Variants in NEXMIF observed in about 807,000 individuals in gnomAD.
The protein encoded by NEXMIF is neurite extension and migration factor.
Under a neutral mutation model 62.1 loss-of-function variants are expected in NEXMIF, and 8 were observed. The ratio of observed to expected loss-of-function variants is 0.13; its 90% CI spans 0.08 to 0.23. NEXMIF has a LOEUF of 0.23. Ranked by LOEUF, NEXMIF falls within the 10% of genes least tolerant of loss-of-function variation. NEXMIF has a pLI of 1.00. For missense variants in NEXMIF, 976 were observed against 1,113.3 expected (o/e 0.88, Z 1.75); for synonymous variants, 404 against 416.6 (o/e 0.97, Z 0.37).
intron 1 of NEXMIF, among the ~76,000 whole-genome samples, chrX:74,789,749 G>GT (rs1280141942): frequency 2.7e-5 from 3 of 109,438 alleles, no homozygotes; most frequent in Non-Finnish European, 3.8e-5. Flanking sequence ...TTTTTCATGT[G>GT]TTTTTTGGCT....
At chrX:74,879,405 T>G (rs368190330) in intron 1 of NEXMIF, among the ~76,000 whole-genome samples, 1 of 112,442 alleles carries the variant, frequency 8.9e-6, no homozygotes, top group Non-Finnish European at 1.9e-5. Flanking sequence ...TCATCTATGA[T>G]GAATTCATCT....
chrX:74,853,977 T>C (rs2080524980), intron 1 of NEXMIF, among the ~76,000 whole-genome samples: 2 of 111,959 alleles, frequency 1.8e-5, no homozygotes, highest in South Asian at 7.4e-4. Flanking sequence ...ACCAGATGGC[T>C]TCACTGTTGA....
chrX:74,758,781 A>G (rs1452459762), intron 1 of NEXMIF, among the ~76,000 whole-genome samples: 1 of 111,741 alleles, frequency 8.9e-6, no homozygotes, highest in Admixed American at 9.5e-5. Flanking sequence ...TATGTACCAC[A>G]TTTTCTTTAT....
At chrX:74,795,255 C>T (rs2080302684) in intron 1 of NEXMIF, among the ~76,000 whole-genome samples, 1 of 112,137 alleles carries the variant, frequency 8.9e-6, no homozygotes, top group South Asian at 3.7e-4. Flanking sequence ...AACTTTATTC[C>T]TAATTTCTCA....
chrX:74,918,920 G>A (rs775948131), intron 1 of NEXMIF, among the ~76,000 whole-genome samples: 23 of 112,396 alleles, frequency 2.0e-4, no homozygotes, highest in Non-Finnish European at 3.0e-4. Context: ...AAAGATCATC[G>A]TGTCCATTAT....
chrX:74,790,650 A>G (rs371196392), intron 1 of NEXMIF, among the ~76,000 whole-genome samples: 14,072 of 92,715 alleles, frequency 0.15, no homozygotes, highest in East Asian at 0.44. Flanking sequence ...CTTTTATTTC[A>G]TTGAGCAGTA....
intron 1 of NEXMIF, among the ~76,000 whole-genome samples, chrX:74,751,579 C>G (rs2080142746): frequency 9.3e-6 from 1 of 107,561 alleles, no homozygotes; most frequent in African/African-American, 3.4e-5. Flanking sequence ...CCTCCGCCTG[C>G]CACTCAGCCT....
intron 1 of NEXMIF, among the ~76,000 whole-genome samples, chrX:74,889,021 T>C (rs2080707978): frequency 8.9e-6 from 1 of 111,861 alleles, no homozygotes; most frequent in African/African-American, 3.2e-5. Flanking sequence ...ATGCCCTGCT[T>C]ATATAGTGAG....
intron 1 of NEXMIF, among the ~76,000 whole-genome samples, chrX:74,766,744 T>G (rs760570600): frequency 8.9e-6 from 1 of 112,638 alleles, no homozygotes. Context: ...CAATTCAGTC[T>G]GGTTAAGAAC....
chrX:74,820,316 C>T (rs1273817048), intron 1 of NEXMIF, among the ~76,000 whole-genome samples: 1 of 109,045 alleles, frequency 9.2e-6, no homozygotes, highest in Non-Finnish European at 1.9e-5. Context: ...GCACATGTAC[C>T]CTAGAACTTA....
rs909459037 is a variant in NEXMIF at position 74,739,286 on chromosome X, C to G, written c.*119G>C. 3 of 463,977 alleles carry G rather than the reference C, an allele frequency of 6.5e-6. No homozygotes were observed. Among genetic ancestry groups the G allele is most frequent in the Non-Finnish European group, 1.1e-5 (3 of 277,450 alleles). The allele number at this position is 463,977 out of a possible 1,213,427, so 38.2% of individuals were successfully genotyped here. On this transcript the variant is annotated 3_prime_UTR_variant, in exon 4 of 4. Coordinates refer to ENST00000055682, the MANE Select transcript of NEXMIF (RefSeq NM_001008537.3). ...GACTTTTTAAGTCTTTTACATAGAA[C>G]ATGAGATTAAAGTTTGCTCCAAAGA... is the stretch of plus-strand genomic sequence containing the variant.
At position 74,776,056 on chromosome X, in the gene NEXMIF, G is replaced by T. The variant is rs192489002; in HGVS notation, c.-47-30359C>A. Among the ~76,000 whole-genome samples, 123 of 111,519 alleles carry T rather than the reference G, an allele frequency of 1.1e-3. 1 individual carries two copies. The highest frequency in any genetic ancestry group is 0.011 in the Admixed American group (111 of 10,423). On this transcript the variant is annotated intron_variant, in intron 1 of 3. Transcript: ENST00000055682. ...ATATATAGAATTTTACCTGGAAAAG[G>T]CATCATGGCCTTTGTACTCCCTTTA...
At chrX:74,766,008 T>C (rs1189442431) in intron 1 of NEXMIF, among the ~76,000 whole-genome samples, 1 of 99,637 alleles carries the variant, frequency 1.0e-5, no homozygotes, top group African/African-American at 3.7e-5. Context: ...ACTACTGCAC[T>C]CCAGCCTGGG....
intron 1 of NEXMIF, among the ~76,000 whole-genome samples, chrX:74,853,828 C>A (rs1280421128): frequency 1.8e-5 from 2 of 110,762 alleles, no homozygotes; most frequent in East Asian, 2.8e-4. Flanking sequence ...AACTGGAAGA[C>A]CTAGAGGAAA....
At chrX:74,852,519 T>G (rs956292456) in intron 1 of NEXMIF, among the ~76,000 whole-genome samples, 84 of 111,904 alleles carry the variant, frequency 7.5e-4, no homozygotes, top group Non-Finnish European at 1.0e-3. Context: ...GAATACACAT[T>G]ATTCTCATCA....
At chrX:74,794,378 A>C (rs1364029145) in intron 1 of NEXMIF, among the ~76,000 whole-genome samples, 4 of 106,437 alleles carry the variant, frequency 3.8e-5, no homozygotes, top group Non-Finnish European at 7.8e-5. Context: ...GCTCTCTTCA[A>C]AGCTGTCAGA....
intron 1 of NEXMIF, among the ~76,000 whole-genome samples, chrX:74,822,334 T>C (rs1337238557): frequency 4.5e-5 from 5 of 112,221 alleles, no homozygotes; most frequent in Admixed American, 3.8e-4. Flanking sequence ...TATAAATAGA[T>C]AAATTGAACT....
chrX:74,819,523 G>A (rs150714877), intron 1 of NEXMIF, among the ~76,000 whole-genome samples: 32 of 111,729 alleles, frequency 2.9e-4, no homozygotes, highest in African/African-American at 9.1e-4. Context: ...AAAAGGGAGC[G>A]AAGGATATGA....
At chrX:74,888,562 G>T (rs953509607) in intron 1 of NEXMIF, among the ~76,000 whole-genome samples, 22 of 110,244 alleles carry the variant, frequency 2.0e-4, no homozygotes, top group Non-Finnish European at 3.8e-5. Flanking sequence ...GGCTAGGGGA[G>T]GGATAGCATT....
Sources: allele counts gnomAD v4.1 joint callset (sites outside exome capture counted in the v4.1 genomes callset), GRCh38; gene constraint gnomAD v4.1.1; transcripts MANE v1.5; gene names NCBI Gene and HGNC (gene_info 2026-07-23, HGNC 2026-07-21).